UPRT: variants seen among roughly 807,000 people sequenced by gnomAD.
The protein encoded by UPRT is uracil phosphoribosyltransferase homolog.
UPRT carries 5 observed loss-of-function variants against 22.6 expected under a neutral mutation model. The observed-to-expected ratio is 0.22, with a 90% CI of 0.12 to 0.47. The LOEUF is 0.47. UPRT is among the 20% of genes least tolerant of loss of function. UPRT has a pLI of 0.99. For missense variants in UPRT, 181 were observed against 239.9 expected, an observed-to-expected ratio of 0.75 and a Z score of 1.62; for synonymous variants, 77 against 87.7, an observed-to-expected ratio of 0.88 and a Z score of 0.68.
chrX:75,235,218 C>A (rs772303212), intron 4 of UPRT, among the ~76,000 whole-genome samples: 2 of 111,178 alleles, frequency 1.8e-5, no homozygotes, highest in African/African-American at 6.6e-5. Context: ...ACACATACAC[C>A]CTCCCAAGAC....
chrX:75,189,922 C>T (rs765658915), intron 4 of UPRT, among the ~76,000 whole-genome samples: 9 of 112,101 alleles, frequency 8.0e-5, no homozygotes, highest in African/African-American at 2.9e-4. Context: ...TGGGTCTTGA[C>T]TCTTTATCCA....
chrX:75,234,301 C>T (rs1355865280), intron 4 of UPRT, among the ~76,000 whole-genome samples: 84 of 110,986 alleles, frequency 7.6e-4, no homozygotes, highest in African/African-American at 2.7e-3. Context: ...CCTGAGTGAC[C>T]TACAAAAAGG....
At chrX:75,214,051 A>ACATTCG in intron 4 of UPRT, among the ~76,000 whole-genome samples, 1 of 112,133 alleles carries the variant, frequency 8.9e-6, no homozygotes, top group Admixed American at 9.5e-5. Context: ...CTCACACAAA[A>ACATTCG]CATTCGCCAA....
At chrX:75,229,403 G>T (rs1006139504) in intron 4 of UPRT, among the ~76,000 whole-genome samples, 12 of 111,956 alleles carry the variant, frequency 1.1e-4, no homozygotes, top group African/African-American at 3.9e-4. Context: ...AAGAAGATGA[G>T]ATATACATTT....
chrX:75,168,368 A>G (rs1273864027), intron 4 of UPRT, among the ~76,000 whole-genome samples: 2 of 101,389 alleles, frequency 2.0e-5, no homozygotes, highest in Non-Finnish European at 4.0e-5. Flanking sequence ...CTCTTATTGG[A>G]CCCAAAATAA....
chrX:75,249,596 C>G (rs1482202928), intron 4 of UPRT, among the ~76,000 whole-genome samples: 4 of 111,079 alleles, frequency 3.6e-5, no homozygotes, highest in African/African-American at 1.3e-4. Flanking sequence ...CTTAGACTCC[C>G]ACACAATAAT....
chrX:75,193,327 G>A (rs2082322185), intron 4 of UPRT, among the ~76,000 whole-genome samples: 1 of 112,119 alleles, frequency 8.9e-6, no homozygotes, highest in South Asian at 3.7e-4. Context: ...TTCTGCTGAT[G>A]GGTCTGCTGT....
chrX:75,187,601 A>T (rs1484054938), intron 4 of UPRT, among the ~76,000 whole-genome samples: 1 of 112,129 alleles, frequency 8.9e-6, no homozygotes, highest in Non-Finnish European at 1.9e-5. Flanking sequence ...TCTCCCGAAT[A>T]ATATCCTTCA....
chrX:75,200,739 C>T (rs965044643), intron 4 of UPRT, among the ~76,000 whole-genome samples: 4 of 110,933 alleles, frequency 3.6e-5, no homozygotes, highest in Non-Finnish European at 7.6e-5. Context: ...ATTGCCAGAG[C>T]CCAGCCTAGA....
intron 4 of UPRT, among the ~76,000 whole-genome samples, chrX:75,240,296 C>A (rs1333559895): frequency 9.0e-6 from 1 of 111,029 alleles, no homozygotes; most frequent in African/African-American, 3.3e-5. Context: ...CTGCTATACA[C>A]CAGCAGTGCC....
chrX:75,240,414 A>G (rs2082484689), intron 4 of UPRT, among the ~76,000 whole-genome samples: 2 of 111,889 alleles, frequency 1.8e-5, no homozygotes, highest in Admixed American at 1.9e-4. Context: ...TATCTGTATA[A>G]GAAAAACTAC....
At chrX:75,199,232 G>A (rs755911225) in intron 4 of UPRT, among the ~76,000 whole-genome samples, 94 of 111,790 alleles carry the variant, frequency 8.4e-4, no homozygotes, top group Non-Finnish European at 1.5e-3. Flanking sequence ...CCAGCTGTCC[G>A]CAAACCCCAG....
At chrX:75,266,176 C>G (rs971023554) in intron 4 of UPRT, among the ~76,000 whole-genome samples, 13 of 111,420 alleles carry the variant, frequency 1.2e-4, no homozygotes, top group African/African-American at 4.2e-4. Context: ...ATCATGCTAC[C>G]AGACCTCAAA....
intron 4 of UPRT, among the ~76,000 whole-genome samples, chrX:75,234,840 A>G (rs2082454227): frequency 8.9e-6 from 1 of 111,868 alleles, no homozygotes; most frequent in African/African-American, 3.3e-5. Context: ...AGCAGGAAAG[A>G]TCCAAAACTG....
intron 4 of UPRT, among the ~76,000 whole-genome samples, chrX:75,218,022 C>G (rs1210785962): frequency 9.0e-6 from 1 of 111,343 alleles, no homozygotes; most frequent in African/African-American, 3.3e-5. Flanking sequence ...GCAACAAAAG[C>G]CAAAATTGAC....
chrX:75,253,313 T>G (rs886711112), intron 4 of UPRT, among the ~76,000 whole-genome samples: 6 of 112,095 alleles, frequency 5.4e-5, no homozygotes, highest in Admixed American at 9.5e-5. Context: ...GAAAAAATAT[T>G]CAACATCACT....
Position 75,295,806 on chromosome X carries a change from C to T in UPRT, c.430-536C>T, listed in dbSNP as rs140605182. On this transcript the variant is annotated intron_variant, in intron 2 of 6. Transcript: ENST00000373383. ...ATGAGCCTTTTCTTTAGCTGAGAAG[C>T]CCCAGTGCATTTTACTGGATCCTCC... Among the ~76,000 whole-genome samples, 32 of 111,636 alleles carry T rather than the reference C, an allele frequency of 2.9e-4. 1 individual carries two copies. The East Asian group carries it at 8.8e-3, about 31-fold the overall frequency.
At chrX:75,224,412 C>CTTTTT (rs535228808) in intron 4 of UPRT, among the ~76,000 whole-genome samples, 1 of 104,639 alleles carries the variant, frequency 9.6e-6, no homozygotes, top group East Asian at 3.0e-4. Flanking sequence ...TTATTTCCTT[C>CTTTTT]TTTTTTTTTT....
intron 1 of UPRT, among the ~76,000 whole-genome samples, chrX:75,283,978 T>C (rs956203520): frequency 8.9e-6 from 1 of 111,769 alleles, no homozygotes; most frequent in African/African-American, 3.2e-5. Context: ...TCTTGGAGGC[T>C]TTGTTCATAT....
Sources: allele counts gnomAD v4.1 joint callset (sites outside exome capture counted in the v4.1 genomes callset), GRCh38; gene constraint gnomAD v4.1.1; transcripts MANE v1.5; gene names NCBI Gene and HGNC (gene_info 2026-07-23, HGNC 2026-07-21).